Variants in AKNAD1 observed in about 807,000 individuals in gnomAD.
AKNAD1 encodes protein AKNAD1.
In AKNAD1, 67 loss-of-function variants were observed where a neutral mutation model predicts 90.8. The observed-to-expected ratio is 0.74, with a 90% CI of 0.61 to 0.90. The LOEUF is 0.90. AKNAD1 is among the 40% of genes least tolerant of loss of function. AKNAD1 has a pLI of 0.00. For missense variants in AKNAD1, 957 were observed against 975.4 expected (o/e 0.98, Z 0.25); for synonymous variants, 327 against 341.4 (o/e 0.96, Z 0.46).
chr1:108,844,118 T>A (rs1664633256), intron 5 of AKNAD1, among the ~76,000 whole-genome samples: 1 of 152,174 alleles, frequency 6.6e-6, no homozygotes, highest in East Asian at 1.9e-4. Context: ...ATCCCAGCAC[T>A]TTGGGAGGCC....
At chr1:108,849,499 T>TA in intron 3 of AKNAD1, 38 bp downstream of exon 3, 1 of 1,256,022 alleles carries the variant, frequency 8.0e-7, no homozygotes, top group Non-Finnish European at 1.2e-6. Context: ...AAACAAAACA[T>TA]ATATATATAT....
intron 1 of AKNAD1, among the ~76,000 whole-genome samples, chr1:108,853,149 T>TTTTTTTTTTA (rs71306127): frequency 6.6e-6 from 1 of 150,616 alleles, no homozygotes; most frequent in African/African-American, 2.4e-5. Flanking sequence ...TTTTTTTTTT[T>TTTTTTTTTTA]GAGACGGAGT....
At chr1:108,837,226 A>C (rs1664411850) in intron 7 of AKNAD1, 1 of 209,838 alleles carries the variant, frequency 4.8e-6, no homozygotes, top group South Asian at 1.0e-4. Flanking sequence ...CAAAACTATG[A>C]AGAAAAAAAA....
chr1:108,840,798 T>C (rs1431079674), intron 6 of AKNAD1, among the ~76,000 whole-genome samples: 1 of 151,900 alleles, frequency 6.6e-6, no homozygotes, highest in African/African-American at 2.4e-5. Context: ...AAGTGATAAT[T>C]GAATAAAATA....
intron 2 of AKNAD1, among the ~76,000 whole-genome samples, chr1:108,850,410 C>T (rs1664815357): frequency 1.3e-5 from 2 of 152,110 alleles, no homozygotes; most frequent in African/African-American, 4.8e-5. Flanking sequence ...AACCACGGGG[C>T]ACTGAGAACT....
intron 14 of AKNAD1, among the ~76,000 whole-genome samples, chr1:108,819,390 A>G (rs2101155800): frequency 6.6e-6 from 1 of 151,018 alleles, no homozygotes; most frequent in Admixed American, 6.6e-5. Context: ...TGACTGAGGT[A>G]GGAGGATTGC....
At chr1:108,824,338 C>T (rs534835527) in intron 11 of AKNAD1, among the ~76,000 whole-genome samples, 24 of 152,280 alleles carry the variant, frequency 1.6e-4, no homozygotes, top group Non-Finnish European at 2.4e-4. Flanking sequence ...AGCAACATCT[C>T]GCTGCAGGAC....
chr1:108,832,526 G>A (rs1013825981), intron 9 of AKNAD1, among the ~76,000 whole-genome samples: 2 of 152,120 alleles, frequency 1.3e-5, no homozygotes, highest in Non-Finnish European at 2.9e-5. Context: ...CACCCGGCCA[G>A]TATGCTTGTG....
rs544084679 is a variant in AKNAD1 at position 108,846,607 on chromosome 1, C to T, written c.1245+2145G>A. ...TCCTTCAAACCCCCTTTTCTCTTGG[C>T]TTCTCCGCCTCCGCTCCTCCCCAGC... On this transcript the variant is annotated intron_variant, in intron 5 of 15. Coordinates refer to ENST00000370001, the MANE Select transcript of AKNAD1 (RefSeq NM_152763.5). Among the ~76,000 whole-genome samples, 45 of 152,202 alleles carry T rather than the reference C, an allele frequency of 3.0e-4. 1 individual carries two copies. The highest frequency in any genetic ancestry group is 2.3e-3 in the South Asian group (11 of 4,818).
intron 9 of AKNAD1, among the ~76,000 whole-genome samples, chr1:108,832,719 G>A (rs1295606848): frequency 1.3e-5 from 2 of 151,994 alleles, no homozygotes; most frequent in Admixed American, 6.6e-5. Context: ...GAGGAGGTGC[G>A]AGTGGCCAAG....
chr1:108,823,829 G>A (rs544795464), intron 11 of AKNAD1, 141 bp from the exon 12 acceptor site: 21 of 1,290,864 alleles, frequency 1.6e-5, no homozygotes, highest in Non-Finnish European at 2.2e-5. Flanking sequence ...GTCACCAAGA[G>A]GAGTTGCCAG....
intron 1 of AKNAD1, among the ~76,000 whole-genome samples, chr1:108,855,783 C>CA (rs1665013239): frequency 6.8e-6 from 1 of 147,750 alleles, no homozygotes. Flanking sequence ...GACTCTGTCT[C>CA]AAAAAAATAA....
At position 108,840,201 on chromosome 1, in the gene AKNAD1, T is replaced by C. The variant is rs536707538; in HGVS notation, c.1380-2495A>G. The stretch of plus-strand genomic sequence containing the variant: ...TATTTTCAGATGCTATGGATTGTCA[T>C]ACTTAAAAATTAAGACAATCAACTA... On this transcript the variant is annotated intron_variant, in intron 6 of 15. Transcript: ENST00000370001. 2.0e-5 allele frequency among the ~76,000 whole-genome samples: 3 copies of C among 152,338 alleles called. No individual in the cohort carries two copies. The East Asian group carries it at 5.8e-4, about 29-fold the overall frequency.
chr1:108,827,666 T>C (rs1664050011), intron 10 of AKNAD1, among the ~76,000 whole-genome samples: 1 of 150,524 alleles, frequency 6.6e-6, no homozygotes, highest in Admixed American at 6.7e-5. Context: ...TACAAAAAAT[T>C]AGCTGGGCGC....
intron 13 of AKNAD1, 52 bp downstream of exon 13, chr1:108,823,316 ACC>A: frequency 7.6e-7 from 1 of 1,324,324 alleles, no homozygotes; most frequent in Non-Finnish European, 1.1e-6. Context: ...AATGTCCCAT[ACC>A]TGGGACATTA....
intron 6 of AKNAD1, 79 bp from the exon 7 acceptor site, chr1:108,837,785 A>C: frequency 6.9e-7 from 1 of 1,443,674 alleles, no homozygotes; most frequent in East Asian, 2.3e-5. Context: ...TCTTGAATAC[A>C]GCATTGATTT....
intron 6 of AKNAD1, among the ~76,000 whole-genome samples, chr1:108,842,681 G>GA (rs1664584136): frequency 6.6e-6 from 1 of 152,094 alleles, no homozygotes; most frequent in Non-Finnish European, 1.5e-5. Context: ...GGACAGAAGA[G>GA]AGAACCAGGC....
chr1:108,845,575 A>T (rs1341164325), intron 5 of AKNAD1, among the ~76,000 whole-genome samples: 1 of 152,160 alleles, frequency 6.6e-6, no homozygotes, highest in Non-Finnish European at 1.5e-5. Flanking sequence ...ACTGTTGTAA[A>T]CTAATGCCTT....
chr1:108,835,859 C>T (rs1031307504), intron 7 of AKNAD1, among the ~76,000 whole-genome samples: 6 of 151,858 alleles, frequency 4.0e-5, no homozygotes, highest in Admixed American at 6.6e-5. Flanking sequence ...CTCCTGACCT[C>T]GTGATCCGCC....
Sources: gnomAD v4.1 joint callset for allele counts (sites outside exome capture counted in the v4.1 genomes callset) on GRCh38, gnomAD v4.1.1 for gene constraint, MANE v1.5 for transcripts, NCBI Gene and HGNC (gene_info 2026-07-23, HGNC 2026-07-21) for gene names.